The following RBFOX3 variants were observed in gnomAD, a reference collection of about 807,000 sequenced individuals.
RBFOX3 encodes RNA binding fox-1 homolog 3, also known as RNA binding protein fox-1 homolog 3.
A neutral mutation model predicts 48.7 loss-of-function variants in RBFOX3; 17 were observed. That is an observed-to-expected ratio of 0.35 (90% CI 0.24 to 0.52). The LOEUF (loss-of-function observed/expected upper bound fraction) is 0.52. RBFOX3 is among the 20% of genes least tolerant of loss of function. The pLI is 0.94. For missense variants in RBFOX3, 382 were observed against 497.5 expected, an observed-to-expected ratio of 0.77 and a Z score of 2.21; for synonymous variants, 212 against 209.5, an observed-to-expected ratio of 1.01 and a Z score of -0.10.
chr17:79,446,060 G>A (rs530167329), intron 2 of RBFOX3, among the ~76,000 whole-genome samples: 21 of 152,250 alleles, frequency 1.4e-4, no homozygotes, highest in African/African-American at 4.3e-4. Context: ...ATGGTCCCCC[G>A]ACATGTCAAC....
At chr17:79,304,429 T>C (rs2075802801) in intron 3 of RBFOX3, among the ~76,000 whole-genome samples, 3 of 149,572 alleles carry the variant, frequency 2.0e-5, no homozygotes, top group Non-Finnish European at 3.0e-5. Flanking sequence ...ATATATATTT[T>C]GATATATATG....
At chr17:79,192,643 A>T (rs2054747797) in intron 4 of RBFOX3, among the ~76,000 whole-genome samples, 1 of 152,134 alleles carries the variant, frequency 6.6e-6, no homozygotes, top group Admixed American at 6.5e-5. Context: ...GCACGGAACG[A>T]GAGCTGGAAG....
intron 4 of RBFOX3, among the ~76,000 whole-genome samples, chr17:79,160,997 A>C (rs1053856721): frequency 6.7e-6 from 1 of 149,094 alleles, no homozygotes; most frequent in South Asian, 2.1e-4. Context: ...AAAAAAAAAA[A>C]CAAAAAAGTC....
intron 1 of RBFOX3, among the ~76,000 whole-genome samples, chr17:79,597,871 G>A (rs1200210887): frequency 6.6e-6 from 1 of 152,212 alleles, no homozygotes; most frequent in Non-Finnish European, 1.5e-5. Context: ...TAGGCAGGGG[G>A]CATTTAGGGC....
intron 4 of RBFOX3, among the ~76,000 whole-genome samples, chr17:79,169,388 T>A (rs957295650): frequency 7.2e-5 from 11 of 151,942 alleles, no homozygotes; most frequent in African/African-American, 2.4e-4. Context: ...GTCCCTCTCC[T>A]CCTCCCCTGC....
intron 3 of RBFOX3, among the ~76,000 whole-genome samples, chr17:79,241,265 C>T (rs897823523): frequency 3.3e-5 from 5 of 151,648 alleles, no homozygotes; most frequent in African/African-American, 7.3e-5. Flanking sequence ...CCTCCCACTT[C>T]GGCCTTCCAA....
chr17:79,618,268 A>C, the RBFOX3 span, among the ~76,000 whole-genome samples: 2 of 152,324 alleles, frequency 1.3e-5, no homozygotes, highest in Non-Finnish European at 1.5e-5. Flanking sequence ...GGCAGTGGCC[A>C]GTGTCTCCGG....
intron 2 of RBFOX3, among the ~76,000 whole-genome samples, chr17:79,356,815 A>G (rs2085235519): frequency 6.6e-6 from 1 of 152,170 alleles, no homozygotes; most frequent in Admixed American, 6.5e-5. Flanking sequence ...ATGAAAAGTC[A>G]GTTTTCACCT....
At chr17:79,245,714 A>G (rs545148309) in intron 3 of RBFOX3, among the ~76,000 whole-genome samples, 7 of 140,072 alleles carry the variant, frequency 5.0e-5, no homozygotes, top group Non-Finnish European at 6.1e-5. Flanking sequence ...TGCAACCTCC[A>G]CCTCCTGGGT....
intron 2 of RBFOX3, among the ~76,000 whole-genome samples, chr17:79,397,221 G>A (rs964965115): frequency 6.6e-6 from 1 of 152,188 alleles, no homozygotes; most frequent in East Asian, 1.9e-4. Flanking sequence ...AGTGGCTCAC[G>A]CCTGAAATCC....
chr17:79,130,729 C>T (rs12943297), intron 4 of RBFOX3, among the ~76,000 whole-genome samples: 39,819 of 152,242 alleles, frequency 0.26, 6,290 homozygotes, highest in Non-Finnish European at 0.37. Context: ...AGCCCGATAC[C>T]GAGCAGTCTT....
At chr17:79,561,030 T>A (rs2144193305) in intron 1 of RBFOX3, among the ~76,000 whole-genome samples, 1 of 152,244 alleles carries the variant, frequency 6.6e-6, no homozygotes, top group South Asian at 2.1e-4. Flanking sequence ...TGGGGGCGCC[T>A]GGCCTCTCCC....
At chr17:79,213,479 C>A (rs1463271999) in intron 4 of RBFOX3, among the ~76,000 whole-genome samples, 1 of 152,206 alleles carries the variant, frequency 6.6e-6, no homozygotes, top group Non-Finnish European at 1.5e-5. Flanking sequence ...GAGATGAGGG[C>A]CAAAGTCAAG....
chr17:79,436,020 C>T (rs905932919), intron 2 of RBFOX3, among the ~76,000 whole-genome samples: 4 of 152,232 alleles, frequency 2.6e-5, no homozygotes, highest in Admixed American at 6.5e-5. Flanking sequence ...CTGTTTTCAC[C>T]GCCCCCATGA....
At chr17:79,445,604 G>A (rs78677127) in intron 2 of RBFOX3, among the ~76,000 whole-genome samples, 2 of 152,124 alleles carry the variant, frequency 1.3e-5, no homozygotes, top group Non-Finnish European at 2.9e-5. Flanking sequence ...TTGCTGTGCC[G>A]AGCTCAGAGC....
At chr17:79,466,310 G>T (rs2149329559) in intron 2 of RBFOX3, among the ~76,000 whole-genome samples, 1 of 152,338 alleles carries the variant, frequency 6.6e-6, no homozygotes, top group African/African-American at 2.4e-5. Flanking sequence ...ATCAGGAAGA[G>T]TCCTGGGGGG....
At chr17:79,611,402 G>A (rs2093969097), upstream of RBFOX3, among the ~76,000 whole-genome samples, 1 of 151,858 alleles carries the variant, frequency 6.6e-6, no homozygotes, top group Admixed American at 6.6e-5. Flanking sequence ...TCAGCACCCT[G>A]CAGCCTTCAG....
chr17:79,093,127 G>A (rs1011054466), intron 14 of RBFOX3, among the ~76,000 whole-genome samples: 1 of 152,206 alleles, frequency 6.6e-6, no homozygotes, highest in African/African-American at 2.4e-5. Flanking sequence ...ATAGTGTTCA[G>A]AGCCTTGCTC....
chr17:79,608,877 CGGA>C (rs2093901401), intron 1 of RBFOX3, among the ~76,000 whole-genome samples: 1 of 152,114 alleles, frequency 6.6e-6, no homozygotes, highest in Non-Finnish European at 1.5e-5. Flanking sequence ...CCGCAGGAGG[CGGA>C]GAAGGAAGGC....
Sources: gnomAD v4.1 joint callset for allele counts (sites outside exome capture counted in the v4.1 genomes callset) on GRCh38, gnomAD v4.1.1 for gene constraint, MANE v1.5 for transcripts, NCBI Gene and HGNC (gene_info 2026-07-23, HGNC 2026-07-21) for gene names.